MRPS5: variants seen among roughly 807,000 people sequenced by gnomAD.
MRPS5 encodes the protein mitochondrial ribosomal protein S5, also known as small ribosomal subunit protein uS5m.
A neutral mutation model predicts 51.9 loss-of-function variants in MRPS5; 27 were observed. That is an observed-to-expected ratio of 0.52 (90% CI 0.38 to 0.72). The LOEUF is 0.72. MRPS5 is among the 30% of genes least tolerant of loss of function. MRPS5 has a pLI of 0.00. For synonymous variants in MRPS5, 196 were observed against 193.2 expected, an observed-to-expected ratio of 1.01 and a Z score of -0.12; for missense variants, 570 against 545.7, an observed-to-expected ratio of 1.04 and a Z score of -0.44.
chr2:95,107,081 T>C (rs1353475091), intron 5 of MRPS5, among the ~76,000 whole-genome samples: 1 of 152,178 alleles, frequency 6.6e-6, no homozygotes, highest in Non-Finnish European at 1.5e-5. Flanking sequence ...TTTCAAAATA[T>C]TTTTATCACA....
In MRPS5 at chr2:95,117,956, GAA is replaced by G. The variant is rs758302629; in HGVS notation, c.59-13_59-12del. 9.5e-6 allele frequency: 13 copies of G among 1,373,068 alleles called. No homozygotes were observed. The highest frequency in any genetic ancestry group is 9.3e-5 in the Admixed American group (4 of 42,814). 85.1% of individuals were successfully genotyped at this position (1,373,068 alleles called of 1,614,324 possible). ...TCCCCAATAAATGACCTGCAAATTG[GAA>G]AAAAAAAAATTTAAGATACATTTCT... On this transcript the variant is annotated splice_polypyrimidine_tract_variant and intron_variant, in intron 1 of 11. Transcript: ENST00000272418.
At chr2:95,115,754 T>C (rs1676268288) in intron 2 of MRPS5, among the ~76,000 whole-genome samples, 1 of 152,170 alleles carries the variant, frequency 6.6e-6, no homozygotes. Flanking sequence ...GATGACACAC[T>C]GAGTTCCCTC....
chr2:95,121,677 C>G, intron 1 of MRPS5, 57 bp downstream of exon 1: 1 of 1,504,420 alleles, frequency 6.6e-7, no homozygotes. Context: ...AGGCCCCAGG[C>G]GAGCCCCCCA....
rs1259910073 is a variant in MRPS5 at position 95,086,372 on chromosome 2, T to C, written c.*985A>G. Among the ~76,000 whole-genome samples, 3 of 152,150 alleles carry C rather than the reference T, an allele frequency of 2.0e-5. No homozygotes were observed. Among genetic ancestry groups the C allele is most frequent in the Non-Finnish European group, 4.4e-5 (3 of 68,014 alleles). On this transcript the variant is annotated 3_prime_UTR_variant, in exon 12 of 12. Coordinates refer to ENST00000272418, the MANE Select transcript of MRPS5 (RefSeq NM_031902.5). ...AAATAAACCAAATGGAAATTTTAAC[T>C]GAAATATACAATGACAGTCAAAGTT...
At chr2:95,108,852 C>A (rs904451418) in intron 4 of MRPS5, among the ~76,000 whole-genome samples, 2 of 151,954 alleles carry the variant, frequency 1.3e-5, no homozygotes, top group African/African-American at 4.8e-5. Flanking sequence ...ACAGCATGTA[C>A]CATGTGATAT....
At chr2:95,102,537 C>CT (rs934751361) in intron 7 of MRPS5, among the ~76,000 whole-genome samples, 3 of 152,154 alleles carry the variant, frequency 2.0e-5, no homozygotes, top group African/African-American at 7.2e-5. Context: ...TGGTAGGTGC[C>CT]TGTAATCCTT....
chr2:95,120,028 A>G (rs1395234546), intron 1 of MRPS5, among the ~76,000 whole-genome samples: 1 of 152,188 alleles, frequency 6.6e-6, no homozygotes, highest in Non-Finnish European at 1.5e-5. Context: ...GTGCCAATGC[A>G]CTCCAGCCAG....
chr2:95,085,657 A>G lies in MRPS5; in HGVS notation c.*1700T>C, dbSNP rs1176980105. On this transcript the variant is annotated 3_prime_UTR_variant, in exon 12 of 12. Coordinates refer to ENST00000272418, the MANE Select transcript of MRPS5 (RefSeq NM_031902.5). ...CAGAAAGGCCTCAGCAGAGGTCCCG[A>G]GGACAGCGACAGGAGGAAACCTGGA... 6.6e-6 allele frequency among the ~76,000 whole-genome samples: 1 copy of G among 152,138 alleles called. No individual in the cohort carries two copies. Among genetic ancestry groups the G allele is most frequent in the African/African-American group, 2.4e-5 (1 of 41,420 alleles).
intron 10 of MRPS5, among the ~76,000 whole-genome samples, chr2:95,096,975 A>C (rs1275350882): frequency 6.6e-6 from 1 of 152,232 alleles, no homozygotes; most frequent in African/African-American, 2.4e-5. Context: ...TAAGCTGATA[A>C]GTAACTTCAG....
At chr2:95,108,545 G>A (rs920074390) in intron 4 of MRPS5, 137 bp from the exon 5 acceptor site, 2 of 722,324 alleles carry the variant, frequency 2.8e-6, no homozygotes, top group East Asian at 2.7e-5. Flanking sequence ...AACTTGGTAG[G>A]TCACTTGGCA....
rs1009045788 is a variant in MRPS5 at position 95,108,899 on chromosome 2, C to A, written c.404-491G>T. On this transcript the variant is annotated intron_variant, in intron 4 of 11. Coordinates refer to ENST00000272418, the MANE Select transcript of MRPS5 (RefSeq NM_031902.5). ...TTTTTAAAAAAGAAGATATCTATTT[C>A]TTTTTAGCTATTTATATATAAATTA... 1.4e-4 allele frequency among the ~76,000 whole-genome samples: 21 copies of A among 151,842 alleles called. 1 individual carries two copies. Among genetic ancestry groups the A allele is most frequent in the Admixed American group, 2.0e-4 (3 of 15,250 alleles).
intron 11 of MRPS5, among the ~76,000 whole-genome samples, chr2:95,088,778 A>C (rs1003267487): frequency 6.6e-6 from 1 of 152,236 alleles, no homozygotes; most frequent in Non-Finnish European, 1.5e-5. Context: ...ACATAAAAGA[A>C]CAAGTCTAGG....
intron 2 of MRPS5, 109 bp downstream of exon 2, chr2:95,117,756 A>C: frequency 1.1e-6 from 1 of 895,572 alleles, no homozygotes; most frequent in Non-Finnish European, 1.7e-6. Flanking sequence ...ATGAAAAAAG[A>C]AAAGAGAGAA....
intron 10 of MRPS5, 122 bp downstream of exon 10, chr2:95,100,352 C>T: frequency 1.5e-6 from 1 of 683,282 alleles, no homozygotes; most frequent in Non-Finnish European, 2.5e-6. Context: ...TAACATAAGC[C>T]TTTTACATTT....
chr2:95,106,465 G>T lies in MRPS5; in HGVS notation c.638-8C>A. The T allele has an allele frequency of 1.2e-6, 2 of 1,609,804 alleles. No individual in the cohort carries two copies. The highest frequency in any genetic ancestry group is 1.1e-5 in the South Asian group (1 of 90,984). On this transcript the variant is annotated splice_region_variant and splice_polypyrimidine_tract_variant and intron_variant, in intron 5 of 11. Coordinates refer to ENST00000272418, the MANE Select transcript of MRPS5 (RefSeq NM_031902.5). ...CAAAATCCTCATATGTTTCTGTAGGGAGAAAAGAAACAGGGATACAGATGA... is the reference window on the plus strand; with the variant it reads ...CAAAATCCTCATATGTTTCTGTAGGTAGAAAAGAAACAGGGATACAGATGA...
rs1305352943 is a variant in MRPS5 at position 95,090,438 on chromosome 2, G to A, written c.1016C>T (p.Ser339Phe). The change falls in exon 11 of 12, where the codon TCC becomes TTC. Residue 339 changes from serine (S) to phenylalanine (F), a missense_variant. Transcript: ENST00000272418. ...CTGGGTGAGGCTGAGCATATTAATG[G>A]ACCCAGAGACCTTGGCATACATGTC... ...IKDMYAKVSGSINMLSLTQGL... is the reference protein window; with the variant it reads ...IKDMYAKVSGFINMLSLTQGL... The A allele has an allele frequency of 1.9e-6, 3 of 1,614,016 alleles. No homozygotes were observed. The highest frequency in any genetic ancestry group is 2.5e-6 in the Non-Finnish European group (3 of 1,180,032).
At chr2:95,102,991 C>T (rs1376755122) in intron 7 of MRPS5, among the ~76,000 whole-genome samples, 9 of 152,106 alleles carry the variant, frequency 5.9e-5, no homozygotes, top group Non-Finnish European at 1.3e-4. Flanking sequence ...AATGCCAATT[C>T]CTAGTTTAAA....
rs1675268867 is a variant in MRPS5, at chr2:95,085,682, A to G, written c.*1675T>C. Among the ~76,000 whole-genome samples the G allele has an allele frequency of 6.6e-6, 1 of 152,068 alleles. No individual in the cohort carries two copies. The highest frequency in any genetic ancestry group is 2.1e-4 in the South Asian group (1 of 4,816). ...AGGACAGCGACAGGAGGAAACCTGG[A>G]TCTCCATCCTCACCAGGCAGTAACG... is the stretch of plus-strand genomic sequence containing the variant. On this transcript the variant is annotated 3_prime_UTR_variant, in exon 12 of 12. Transcript: ENST00000272418.
intron 10 of MRPS5, among the ~76,000 whole-genome samples, chr2:95,095,445 G>C (rs1236175247): frequency 1.3e-5 from 2 of 152,142 alleles, no homozygotes; most frequent in Admixed American, 1.3e-4. Flanking sequence ...AGTTGACCAC[G>C]TAGTTGGAAG....
Sources: allele counts gnomAD v4.1 joint callset (sites outside exome capture counted in the v4.1 genomes callset), GRCh38; gene constraint gnomAD v4.1.1; transcripts MANE v1.5; gene names NCBI Gene and HGNC (gene_info 2026-07-23, HGNC 2026-07-21).